The following FGG variants were observed in gnomAD, a reference collection of about 807,000 sequenced individuals.
FGG encodes fibrinogen, gamma polypeptide.
FGG carries 20 observed loss-of-function variants against 51.7 expected under a neutral mutation model. That is an observed-to-expected ratio of 0.39 (90% CI 0.27 to 0.56). The LOEUF is 0.56. Among genes scored for constraint, FGG ranks in the 20% least tolerant of loss-of-function variants. The pLI is 0.64. For missense variants in FGG, 460 were observed against 534.2 expected (o/e 0.86, Z 1.37); for synonymous variants, 184 against 184.7 (o/e 1.00, Z 0.03).
Position 154,604,247 on chromosome 4 carries a change from G to T in FGG, c.*587C>A. 1.0e-6 allele frequency: 1 copy of T among 999,796 alleles called. No homozygotes were observed. Among genetic ancestry groups the T allele is most frequent in the East Asian group, 3.0e-5 (1 of 33,174 alleles). 61.9% of individuals were successfully genotyped at this position (999,796 alleles called of 1,614,324 possible). ...TCTTTTGCTCTTAAAATGAAGTGAA[G>T]CTTTGCAAGTCCATTGTCCAATAGG... is the stretch of plus-strand genomic sequence containing the variant. On this transcript the variant is annotated 3_prime_UTR_variant, in exon 9 of 9. Transcript: ENST00000336098.
chr4:154,605,722 T>C (rs895673667), intron 8 of FGG, among the ~76,000 whole-genome samples: 3 of 152,194 alleles, frequency 2.0e-5, no homozygotes, highest in African/African-American at 4.8e-5. Context: ...ATAAGTTATG[T>C]TTCTCCAATT....
In FGG at chr4:154,612,390, C is replaced by A; in HGVS notation, c.123+1G>T. On this transcript the variant is annotated splice_donor_variant, in intron 2 of 8. Coordinates refer to ENST00000336098, the MANE Select transcript of FGG (RefSeq NM_021870.3). LOFTEE classifies it high-confidence loss of function. ...AAGGGAGAAACATAAAAACTACTTA[C>A]GAATCTTTCATCTAAGATGCAGCAG... is the stretch of plus-strand genomic sequence containing the variant. 1.9e-6 allele frequency: 3 copies of A among 1,612,982 alleles called. No homozygotes were observed. The highest frequency in any genetic ancestry group is 1.7e-6 in the Non-Finnish European group (2 of 1,179,836).
In FGG at chr4:154,606,912, C is replaced by T. The variant is rs139133145; in HGVS notation, c.922G>A (p.Ala308Thr). ...AAGGCATCTCCAGCATCCCCACCAG[C>T]GAAGTAGGCATATGTTAGGCGGTAC... ...DKYRLTYAYF[A>T]GGDAGDAFDG... Residue 308 changes from alanine to threonine, a missense_variant, in exon 8 of 9, where the codon GCT (alanine) becomes ACT (threonine). Transcript: ENST00000336098. 143 of 1,613,710 alleles carry T rather than the reference C, an allele frequency of 8.9e-5. No homozygotes were observed. The highest frequency in any genetic ancestry group is 2.5e-4 in the African/African-American group (19 of 74,884).
At chr4:154,608,783 T>A in intron 6 of FGG, 133 bp from the exon 7 acceptor site, 2 of 773,784 alleles carry the variant, frequency 2.6e-6, no homozygotes, top group Non-Finnish European at 4.3e-6. Flanking sequence ...TTGGCCAAGC[T>A]ACCTCAGTTT....
chr4:154,607,099 T>C lies in FGG; in HGVS notation c.852-117A>G, dbSNP rs1236098191. 3 of 1,343,280 alleles carry C rather than the reference T, an allele frequency of 2.2e-6. No homozygotes were observed. In the Admixed American group the frequency reaches 7.7e-5, roughly 34 times the overall value. 83.2% of individuals were successfully genotyped at this position (1,343,280 alleles called of 1,614,324 possible). A position where few individuals can be genotyped will look rare whatever the true frequency, so the allele number is the denominator to read the frequency against. On this transcript the variant is annotated intron_variant, in intron 7 of 8. Transcript: ENST00000336098. ...GACTTTGTTTCTTAAGGCTGAAATT[T>C]GCTCATTGAGTGAAGTTTTTTGCAA...
In FGG at chr4:154,610,097, T is replaced by C. The variant is rs141559764; in HGVS notation, c.502A>G (p.Thr168Ala). ...CCAGTGATATCATGGATTTGCACCG[T>C]GTCTTTGCAAGGTTCCTGGCACTGT... Reference protein sequence around the residue: ...EAQCQEPCKDTVQIHDITGKD... With the variant: ...EAQCQEPCKDAVQIHDITGKD... The change falls in exon 5 of 9, where the codon ACG becomes GCG. Residue 168 changes from threonine (T) to alanine (A), a missense_variant. Thr to Ala is a moderately conservative substitution (Grantham distance 58, BLOSUM62 0). Transcript: ENST00000336098. 1.9e-5 allele frequency: 31 copies of C among 1,613,786 alleles called. No homozygotes were observed. The highest frequency in any genetic ancestry group is 7.6e-6 in the Non-Finnish European group (9 of 1,179,832).
chr4:154,611,650 A>C (rs1731213570), intron 4 of FGG, 155 bp downstream of exon 4: 2 of 587,482 alleles, frequency 3.4e-6, no homozygotes, highest in African/African-American at 3.7e-5. Flanking sequence ...TGCACTAAAA[A>C]CTTCTATCTC....
chr4:154,607,101 C>A, intron 7 of FGG, 119 bp from the exon 8 acceptor site: 3 of 1,312,860 alleles, frequency 2.3e-6, no homozygotes, highest in Non-Finnish European at 3.1e-6. Context: ...CTGAAATTTG[C>A]TCATTGAGTG....
At chr4:154,609,271 C>T (rs1009387734) in intron 6 of FGG, among the ~76,000 whole-genome samples, 20 of 152,044 alleles carry the variant, frequency 1.3e-4, no homozygotes, top group African/African-American at 4.6e-4. Context: ...TCTTGACCTA[C>T]CTGACAAAAG....
intron 6 of FGG, 28 bp from the exon 7 acceptor site, chr4:154,608,678 G>C: frequency 6.3e-7 from 1 of 1,588,134 alleles, no homozygotes; most frequent in South Asian, 1.1e-5. Context: ...AGAGCAAAAG[G>C]AGAAAATAGA....
At chr4:154,605,270 A>G (rs933365716) in intron 8 of FGG, among the ~76,000 whole-genome samples, 3 of 152,188 alleles carry the variant, frequency 2.0e-5, no homozygotes, top group East Asian at 1.9e-4. Flanking sequence ...GCTGTGACTC[A>G]TAGTCACATC....
chr4:154,604,395 A>G lies in FGG; in HGVS notation c.*439T>C, dbSNP rs1259569158. 1 of 1,451,272 alleles carries G rather than the reference A, an allele frequency of 6.9e-7. No individual in the cohort carries two copies. Among genetic ancestry groups the G allele is most frequent in the Non-Finnish European group, 9.2e-7 (1 of 1,090,042 alleles). The allele number at this position is 1,451,272 out of a possible 1,614,324, so 89.9% of individuals were successfully genotyped here. On this transcript the variant is annotated 3_prime_UTR_variant, in exon 9 of 9. Transcript: ENST00000336098. ...AAAACAAAAACCATATTAAAAAGACATAATTTTCTCCATTTAAAAAGAAGA... is the reference window on the plus strand; with the variant it reads ...AAAACAAAAACCATATTAAAAAGACGTAATTTTCTCCATTTAAAAAGAAGA...
chr4:154,607,919 A>G (rs1385599591), intron 7 of FGG, among the ~76,000 whole-genome samples: 1 of 152,190 alleles, frequency 6.6e-6, no homozygotes, highest in East Asian at 1.9e-4. Context: ...TAGATCATCA[A>G]AAGAGCTAGC....
At chr4:154,607,927 A>G (rs1286196874) in intron 7 of FGG, among the ~76,000 whole-genome samples, 2 of 152,188 alleles carry the variant, frequency 1.3e-5, no homozygotes. Context: ...CAAAAGAGCT[A>G]GCTGGTTTAC....
intron 5 of FGG, 54 bp downstream of exon 5, chr4:154,610,013 C>T (rs1353123519): frequency 6.2e-7 from 1 of 1,608,928 alleles, no homozygotes; most frequent in Non-Finnish European, 8.5e-7. Flanking sequence ...ATACTTTCTC[C>T]TTTACATTAC....
chr4:154,608,148 T>C (rs1731134422), intron 7 of FGG, among the ~76,000 whole-genome samples: 1 of 152,230 alleles, frequency 6.6e-6, no homozygotes, highest in Admixed American at 6.5e-5. Flanking sequence ...TAATACCTGC[T>C]TCATGAAATA....
chr4:154,609,338 T>G (rs989908576), intron 6 of FGG, among the ~76,000 whole-genome samples: 4 of 152,160 alleles, frequency 2.6e-5, no homozygotes, highest in African/African-American at 9.7e-5. Flanking sequence ...ACCATGAATC[T>G]ACAAAGTCAG....
intron 6 of FGG, among the ~76,000 whole-genome samples, chr4:154,608,851 T>C (rs1201648894): frequency 1.3e-5 from 2 of 152,160 alleles, no homozygotes. Context: ...GCAAGGATCA[T>C]GAGAGAGAAT....
chr4:154,604,258 C>A lies in FGG; in HGVS notation c.*576G>T. ...TAAAATGAAGTGAAGCTTTGCAAGT[C>A]CATTGTCCAATAGGAAAAATATTAT... is the stretch of plus-strand genomic sequence containing the variant. On this transcript the variant is annotated 3_prime_UTR_variant, in exon 9 of 9. Transcript: ENST00000336098. 2 of 1,129,048 alleles carry A rather than the reference C, an allele frequency of 1.8e-6. No homozygotes were observed. The highest frequency in any genetic ancestry group is 2.4e-6 in the Non-Finnish European group (2 of 817,694). The allele number at this position is 1,129,048 out of a possible 1,614,324, so 69.9% of individuals were successfully genotyped here.
Sources: gnomAD v4.1 joint callset for allele counts (sites outside exome capture counted in the v4.1 genomes callset) on GRCh38, gnomAD v4.1.1 for gene constraint, MANE v1.5 for transcripts, NCBI Gene and HGNC (gene_info 2026-07-23, HGNC 2026-07-21) for gene names.